Variants in OSBPL9 observed in about 807,000 individuals in gnomAD.
The protein encoded by OSBPL9 is oxysterol binding protein like 9, also known as oxysterol-binding protein-related protein 9.
OSBPL9 carries 40 observed loss-of-function variants against 106.6 expected under a neutral mutation model. The ratio of observed to expected loss-of-function variants is 0.38; its 90% CI spans 0.29 to 0.49. The LOEUF (loss-of-function observed/expected upper bound fraction) is 0.49. OSBPL9 is among the 20% of genes least tolerant of loss of function. The pLI, the probability that OSBPL9 is intolerant of heterozygous loss-of-function variation, is 0.97. For missense variants in OSBPL9, 609 were observed against 887.2 expected, an observed-to-expected ratio of 0.69 and a Z score of 3.98; for synonymous variants, 269 against 295.4, an observed-to-expected ratio of 0.91 and a Z score of 0.92.
At chr1:51,785,480 A>G (rs1677381899) in intron 20 of OSBPL9, 2 of 268,694 alleles carry the variant, frequency 7.4e-6, no homozygotes, top group Non-Finnish European at 1.4e-5. Flanking sequence ...CTTACCACCT[A>G]GAATTTCAAT....
intron 4 of OSBPL9, among the ~76,000 whole-genome samples, chr1:51,731,348 A>C (rs1308322312): frequency 6.6e-6 from 1 of 152,078 alleles, no homozygotes; most frequent in African/African-American, 2.4e-5. Context: ...CTGCTTGGGA[A>C]GCTGAGGCGG....
intron 2 of OSBPL9, among the ~76,000 whole-genome samples, chr1:51,655,383 G>T (rs1646755638): frequency 6.6e-6 from 1 of 152,098 alleles, no homozygotes; most frequent in Non-Finnish European, 1.5e-5. Context: ...ACGTATTCTT[G>T]GTCACGTGGC....
intron 2 of OSBPL9, among the ~76,000 whole-genome samples, chr1:51,599,902 T>C (rs1645318937): frequency 6.6e-6 from 1 of 152,226 alleles, no homozygotes; most frequent in Non-Finnish European, 1.5e-5. Context: ...AGCTGTCTGC[T>C]TCCAAGGTGG....
the OSBPL9 span, among the ~76,000 whole-genome samples, chr1:51,527,366 A>G: frequency 6.6e-6 from 1 of 151,696 alleles, no homozygotes; most frequent in African/African-American, 2.4e-5. Context: ...GATGATGATG[A>G]TGATGGTGAT....
chr1:51,522,844 T>C, the OSBPL9 span, among the ~76,000 whole-genome samples: 4 of 152,148 alleles, frequency 2.6e-5, no homozygotes, highest in African/African-American at 9.7e-5. Flanking sequence ...TGGCCTGGAA[T>C]AGATGTTCAA....
chr1:51,722,087 G>A (rs1662234892), intron 4 of OSBPL9, among the ~76,000 whole-genome samples: 1 of 152,130 alleles, frequency 6.6e-6, no homozygotes, highest in Admixed American at 6.5e-5. Flanking sequence ...ACTTTGAGAG[G>A]CCAAGGCAGG....
At chr1:51,616,374 G>A (rs1050624006), upstream of OSBPL9, among the ~76,000 whole-genome samples, 2 of 152,102 alleles carry the variant, frequency 1.3e-5, no homozygotes, top group African/African-American at 4.8e-5. Flanking sequence ...CTGGCTCACT[G>A]CTCCACGCAC....
chr1:51,666,204 TGA>T, intron 2 of OSBPL9, among the ~76,000 whole-genome samples: 1 of 152,166 alleles, frequency 6.6e-6, no homozygotes, highest in African/African-American at 2.4e-5. Context: ...TGGAGATCTG[TGA>T]GAGAGAAGTT....
chr1:51,574,828 T>G (rs922374566), upstream of OSBPL9, among the ~76,000 whole-genome samples: 7 of 111,286 alleles, frequency 6.3e-5, no homozygotes, highest in Non-Finnish European at 1.1e-4. Flanking sequence ...ATTTTATACC[T>G]TCTTGAATTA....
chr1:51,559,511 A>G, the OSBPL9 span, among the ~76,000 whole-genome samples: 953 of 152,152 alleles, frequency 6.3e-3, 12 homozygotes, highest in African/African-American at 0.022. Flanking sequence ...TTAGAAATGT[A>G]GTCTCTTGGG....
chr1:51,673,018 G>A (rs1344223681), intron 3 of OSBPL9, among the ~76,000 whole-genome samples: 4 of 152,290 alleles, frequency 2.6e-5, no homozygotes, highest in Non-Finnish European at 2.9e-5. Context: ...AAGAATTTGG[G>A]AATAAATGTT....
chr1:51,591,796 A>AGG (rs1450777665), intron 1 of OSBPL9, among the ~76,000 whole-genome samples: 295 of 152,234 alleles, frequency 1.9e-3, no homozygotes, highest in African/African-American at 7.0e-3. Flanking sequence ...AAAGAAAGAG[A>AGG]CAGAGAGAGA....
chr1:51,544,903 G>A, the OSBPL9 span, among the ~76,000 whole-genome samples: 5 of 143,184 alleles, frequency 3.5e-5, no homozygotes, highest in South Asian at 8.7e-4. Context: ...GAGTGCAGTG[G>A]CTTGATCTCG....
At chr1:51,636,080 A>G (rs986487302) in intron 1 of OSBPL9, among the ~76,000 whole-genome samples, 1 of 125,750 alleles carries the variant, frequency 8.0e-6, no homozygotes, top group Admixed American at 7.9e-5. Context: ...GTATGTATGT[A>G]TATGTGTGTG....
chr1:51,535,182 C>A, the OSBPL9 span, among the ~76,000 whole-genome samples: 1 of 152,196 alleles, frequency 6.6e-6, no homozygotes, highest in South Asian at 2.1e-4. Context: ...GCATCATTTT[C>A]TACTGCCCTC....
At chr1:51,782,858 G>T (rs974717129) in intron 17 of OSBPL9, among the ~76,000 whole-genome samples, 1 of 152,118 alleles carries the variant, frequency 6.6e-6, no homozygotes, top group Non-Finnish European at 1.5e-5. Context: ...CGTATAAAAA[G>T]AAGGGATTTA....
chr1:51,644,472 C>T (rs1007292634), intron 1 of OSBPL9, among the ~76,000 whole-genome samples: 4 of 151,960 alleles, frequency 2.6e-5, no homozygotes, highest in South Asian at 2.1e-4. Flanking sequence ...GGATTACAGG[C>T]GTGTGCCACC....
At chr1:51,639,893 G>T (rs906279894) in intron 1 of OSBPL9, among the ~76,000 whole-genome samples, 1 of 140,726 alleles carries the variant, frequency 7.1e-6, no homozygotes, top group Non-Finnish European at 1.5e-5. Flanking sequence ...GGCGCAATCA[G>T]GGGTCATTGC....
intron 2 of OSBPL9, among the ~76,000 whole-genome samples, chr1:51,600,081 A>G (rs901921139): frequency 5.9e-5 from 9 of 152,242 alleles, no homozygotes; most frequent in Non-Finnish European, 1.2e-4. Flanking sequence ...CACCTCCCAA[A>G]GGCCCCATTT....
Sources: gnomAD v4.1 joint callset for allele counts (sites outside exome capture counted in the v4.1 genomes callset) on GRCh38, gnomAD v4.1.1 for gene constraint, MANE v1.5 for transcripts, NCBI Gene and HGNC (gene_info 2026-07-23, HGNC 2026-07-21) for gene names.